The following FBXL20 variants were observed in gnomAD, a reference collection of about 807,000 sequenced individuals.
FBXL20 encodes the protein F-box and leucine rich repeat protein 20.
In FBXL20, 11 loss-of-function variants were observed where a neutral mutation model predicts 64.0. The observed-to-expected ratio is 0.17, with a 90% CI of 0.11 to 0.28. The LOEUF is 0.28. Ranked by LOEUF, FBXL20 falls within the 10% of genes least tolerant of loss-of-function variation. FBXL20 has a pLI of 1.00. For synonymous variants in FBXL20, 184 were observed against 189.0 expected (o/e 0.97, Z 0.22); for missense variants, 303 against 526.2 (o/e 0.58, Z 4.15).
intron 9 of FBXL20, among the ~76,000 whole-genome samples, chr17:39,280,831 T>C (rs1424949081): frequency 1.3e-5 from 2 of 152,184 alleles, no homozygotes; most frequent in Non-Finnish European, 2.9e-5. Flanking sequence ...GTGGCATGAT[T>C]TCAGCTCACT....
intron 2 of FBXL20, among the ~76,000 whole-genome samples, chr17:39,306,890 G>A (rs146679587): frequency 7.1e-4 from 108 of 152,282 alleles, no homozygotes; most frequent in African/African-American, 2.3e-3. Context: ...GGAGCAACAC[G>A]GAAAGCAAAT....
intron 3 of FBXL20, 95 bp from the exon 4 acceptor site, chr17:39,301,170 A>G (rs112846442): frequency 3.1e-5 from 34 of 1,097,548 alleles, no homozygotes; most frequent in African/African-American, 2.0e-4. Context: ...ACTAATGACT[A>G]AAATGGATCC....
intron 12 of FBXL20, among the ~76,000 whole-genome samples, chr17:39,266,615 G>C (rs2144344314): frequency 6.6e-6 from 1 of 152,290 alleles, no homozygotes; most frequent in East Asian, 1.9e-4. Context: ...CTAAAGTGCT[G>C]GGATTACAGG....
intron 2 of FBXL20, among the ~76,000 whole-genome samples, chr17:39,317,593 G>C (rs1220288204): frequency 6.8e-6 from 1 of 146,684 alleles, no homozygotes; most frequent in African/African-American, 2.5e-5. Context: ...TATAAAGAAG[G>C]AAAAAAAATG....
chr17:39,393,571 T>C lies in FBXL20; in HGVS notation c.42+7790A>G, dbSNP rs192460260. ...ATGGAATTGGATTTCCTTTTTTGTTTTGACCAGAAATTCCTGGGATCAAGG... is the reference window on the plus strand; with the variant it reads ...ATGGAATTGGATTTCCTTTTTTGTTCTGACCAGAAATTCCTGGGATCAAGG... On this transcript the variant is annotated intron_variant, in intron 1 of 14. Coordinates refer to ENST00000264658, the MANE Select transcript of FBXL20 (RefSeq NM_032875.3). Among the ~76,000 whole-genome samples, 7 of 152,328 alleles carry C rather than the reference T, an allele frequency of 4.6e-5. No individual in the cohort carries two copies. The East Asian group carries it at 5.8e-4, about 13-fold the overall frequency.
rs1263195315 is a variant in FBXL20, at chr17:39,257,066, C to A, written c.*4394G>T. The A allele has an allele frequency of 6.6e-6, 1 of 152,050 alleles. No homozygotes were observed. Among genetic ancestry groups the A allele is most frequent in the Non-Finnish European group, 1.5e-5 (1 of 68,030 alleles). 9.4% of individuals were successfully genotyped at this position (152,050 alleles called of 1,614,324 possible). On this transcript the variant is annotated 3_prime_UTR_variant, in exon 15 of 15. Coordinates refer to ENST00000264658, the MANE Select transcript of FBXL20 (RefSeq NM_032875.3). ...GTGGTGCGATCTCAGCTCACTGCAA[C>A]CTCCACCTCCCGGGTTCAAGCAATT...
chr17:39,263,376 C>T (rs1339608793), intron 14 of FBXL20, among the ~76,000 whole-genome samples: 3 of 151,972 alleles, frequency 2.0e-5, no homozygotes, highest in Non-Finnish European at 2.9e-5. Flanking sequence ...ATCAGGCTGG[C>T]GTGATGGCAC....
intron 2 of FBXL20, among the ~76,000 whole-genome samples, chr17:39,303,980 T>C (rs2047159645): frequency 6.6e-6 from 1 of 152,170 alleles, no homozygotes; most frequent in African/African-American, 2.4e-5. Context: ...CTGGTCAGTA[T>C]GATAAAGTAG....
At chr17:39,295,694 G>A (rs1244435299) in intron 6 of FBXL20, among the ~76,000 whole-genome samples, 2 of 151,074 alleles carry the variant, frequency 1.3e-5, no homozygotes, top group Non-Finnish European at 3.0e-5. Flanking sequence ...TTTCCCTTGT[G>A]TTTTCTCACT....
intron 8 of FBXL20, 80 bp from the exon 9 acceptor site, chr17:39,281,543 T>A: frequency 1.6e-6 from 2 of 1,217,516 alleles, no homozygotes; most frequent in Non-Finnish European, 2.4e-6. Context: ...TACACATTCA[T>A]TCATACATTC....
At chr17:39,401,253 G>T in intron 1 of FBXL20, 108 bp downstream of exon 1, 1 of 1,587,176 alleles carries the variant, frequency 6.3e-7, no homozygotes, top group East Asian at 2.3e-5. Context: ...CCGCCAGTGG[G>T]TGGGTGACGG....
chr17:39,402,387 C>T (rs2048258123), upstream of FBXL20: 4 of 427,604 alleles, frequency 9.4e-6, no homozygotes, highest in South Asian at 2.4e-4. Flanking sequence ...TCTCCCTGTG[C>T]ATGGCTCGGG....
chr17:39,281,193 C>T (rs1307687363), intron 9 of FBXL20, among the ~76,000 whole-genome samples, 196 bp downstream of exon 9: 2 of 152,104 alleles, frequency 1.3e-5, no homozygotes, highest in Non-Finnish European at 2.9e-5. Context: ...TAGCTACCTC[C>T]TATCTTATCT....
chr17:39,356,797 G>A (rs1049909247), intron 1 of FBXL20, among the ~76,000 whole-genome samples: 2 of 150,608 alleles, frequency 1.3e-5, no homozygotes, highest in African/African-American at 2.5e-5. Flanking sequence ...CTGGAACTAC[G>A]GGTGCGTGCC....
At chr17:39,385,440 C>G (rs541243802) in intron 1 of FBXL20, among the ~76,000 whole-genome samples, 1 of 152,284 alleles carries the variant, frequency 6.6e-6, no homozygotes, top group African/African-American at 2.4e-5. Context: ...TTTAACTTCC[C>G]TTCCCAGCAC....
At position 39,259,308 on chromosome 17, in the gene FBXL20, A is replaced by G. The variant is rs2046723982; in HGVS notation, c.*2152T>C. On this transcript the variant is annotated 3_prime_UTR_variant, in exon 15 of 15. Transcript: ENST00000264658. ...GCGAGACCCCATCTCTAAAAAAATAAAATAAAATAAAATAAATAAATAAAA... is the reference window on the plus strand; with the variant it reads ...GCGAGACCCCATCTCTAAAAAAATAGAATAAAATAAAATAAATAAATAAAA... The G allele has an allele frequency of 6.6e-6, 1 of 151,926 alleles. No individual in the cohort carries two copies. Among genetic ancestry groups the G allele is most frequent in the South Asian group, 2.1e-4 (1 of 4,820 alleles). 9.4% of individuals were successfully genotyped at this position (151,926 alleles called of 1,614,324 possible). A position where few individuals can be genotyped will look rare whatever the true frequency, so the allele number is the denominator to read the frequency against.
Position 39,255,470 on chromosome 17 carries a change from A to G in FBXL20, c.*5990T>C, listed in dbSNP as rs1216159113. The stretch of plus-strand genomic sequence containing the variant: ...ATAAATAAATAAATACAACAGGTAG[A>G]TGTGACTTGAGGGGGAAGCTGCAGA... On this transcript the variant is annotated 3_prime_UTR_variant, in exon 15 of 15. Coordinates refer to ENST00000264658, the MANE Select transcript of FBXL20 (RefSeq NM_032875.3). 6.6e-6 allele frequency: 1 copy of G among 151,928 alleles called. No individual in the cohort carries two copies. The highest frequency in any genetic ancestry group is 2.1e-4 in the South Asian group (1 of 4,814). 9.4% of individuals were successfully genotyped at this position (151,928 alleles called of 1,614,324 possible). A position where few individuals can be genotyped will look rare whatever the true frequency, so the allele number is the denominator to read the frequency against.
At position 39,326,399 on chromosome 17, in the gene FBXL20, C is replaced by T. The variant is rs368276351; in HGVS notation, c.104+16781G>A. ...TCTTGGTCAGGTACAGTGGCTCATA[C>T]CTGTAATCCCAGGCGTTCCAAGCCA... On this transcript the variant is annotated intron_variant, in intron 2 of 14. Coordinates refer to ENST00000264658, the MANE Select transcript of FBXL20 (RefSeq NM_032875.3). 3.3e-5 allele frequency among the ~76,000 whole-genome samples: 5 copies of T among 151,852 alleles called. No homozygotes were observed. In the East Asian group the frequency reaches 9.8e-4, roughly 30 times the overall value.
intron 2 of FBXL20, among the ~76,000 whole-genome samples, chr17:39,313,049 G>T (rs1241765631): frequency 1.3e-5 from 2 of 150,652 alleles, no homozygotes; most frequent in African/African-American, 4.9e-5. Context: ...CTCCTGAGTA[G>T]CTGGAATTAC....
Sources: gnomAD v4.1 joint callset for allele counts (sites outside exome capture counted in the v4.1 genomes callset) on GRCh38, gnomAD v4.1.1 for gene constraint, MANE v1.5 for transcripts, NCBI Gene and HGNC (gene_info 2026-07-23, HGNC 2026-07-21) for gene names.